Variants in LHFPL4 observed in about 807,000 individuals in gnomAD.
The protein encoded by LHFPL4 is LHFPL tetraspan subfamily member 4, also known as LHFPL tetraspan subfamily member 4 protein.
Under a neutral mutation model 20.0 loss-of-function variants are expected in LHFPL4, and 6 were observed. The ratio of observed to expected loss-of-function variants is 0.30; its 90% CI spans 0.16 to 0.59. LHFPL4 has a LOEUF of 0.59. Among genes scored for constraint, LHFPL4 ranks in the 20% least tolerant of loss-of-function variants. LHFPL4 has a pLI of 0.88. For missense variants in LHFPL4, 215 were observed against 331.2 expected, an observed-to-expected ratio of 0.65 and a Z score of 2.72; for synonymous variants, 129 against 143.8, an observed-to-expected ratio of 0.90 and a Z score of 0.74.
At chr3:9,536,695 C>G (rs1489503270) in intron 2 of LHFPL4, among the ~76,000 whole-genome samples, 1 of 152,130 alleles carries the variant, frequency 6.6e-6, no homozygotes, top group African/African-American at 2.4e-5. Context: ...GGCACAGTGG[C>G]TCATGCCTGT....
intron 2 of LHFPL4, among the ~76,000 whole-genome samples, chr3:9,538,144 C>T (rs2046454532): frequency 6.6e-6 from 1 of 152,162 alleles, no homozygotes; most frequent in Non-Finnish European, 1.5e-5. Flanking sequence ...TCCTCCTCTC[C>T]ATCCGCCATC....
chr3:9,543,717 TTTTTGG>T, intron 2 of LHFPL4, among the ~76,000 whole-genome samples: 1 of 129,896 alleles, frequency 7.7e-6, no homozygotes, highest in Non-Finnish European at 1.5e-5. Flanking sequence ...GATTTGTTTG[TTTTTGG>T]TTTTGGTTTT....
rs896586587 is a variant in LHFPL4 at position 9,506,420 on chromosome 3, C to T, written c.407-217G>A. ...GATGGGTAGCAGAAACTTTCTGGAA[C>T]CCGCAATGCCCTCTCCCTTCCCCAT... is the stretch of plus-strand genomic sequence containing the variant. On this transcript the variant is annotated intron_variant, in intron 2 of 3. Coordinates refer to ENST00000287585, the MANE Select transcript of LHFPL4 (RefSeq NM_198560.3). The surrounding 1 kb of genome is among the most constrained non-coding windows in gnomAD (Gnocchi z 4.5). 5.3e-5 allele frequency among the ~76,000 whole-genome samples: 8 copies of T among 152,100 alleles called. No homozygotes were observed. In the East Asian group the frequency reaches 7.7e-4, roughly 15 times the overall value.
intron 2 of LHFPL4, among the ~76,000 whole-genome samples, chr3:9,507,034 C>T (rs1338642624): frequency 6.6e-6 from 1 of 152,248 alleles, no homozygotes. Flanking sequence ...TAGGACTTAG[C>T]CTAGTTCTTC....
Position 9,552,261 on chromosome 3 carries a change from C to G in LHFPL4, c.406+13G>C, listed in dbSNP as rs1274331336. The G allele has an allele frequency of 1.3e-6, 2 of 1,580,928 alleles. No individual in the cohort carries two copies. The highest frequency in any genetic ancestry group is 1.1e-5 in the South Asian group (1 of 87,084). On this transcript the variant is annotated intron_variant, in intron 2 of 3. Transcript: ENST00000287585. ...GCGCTTGTTCTGGGAGTTCCGTCCA[C>G]CCCCTCCCCTACCTGCCAAGAGCTG...
At chr3:9,528,444 C>A (rs2046388213) in intron 2 of LHFPL4, among the ~76,000 whole-genome samples, 1 of 152,150 alleles carries the variant, frequency 6.6e-6, no homozygotes, top group African/African-American at 2.4e-5. Context: ...CATCTTCAGG[C>A]TCCACTTCTA....
intron 2 of LHFPL4, among the ~76,000 whole-genome samples, chr3:9,532,327 C>T (rs1337802216): frequency 1.3e-5 from 2 of 151,976 alleles, no homozygotes; most frequent in Non-Finnish European, 2.9e-5. Flanking sequence ...CCGTGCCCGG[C>T]CTTGAGTTAT....
chr3:9,529,054 A>T (rs2046393244), intron 2 of LHFPL4, among the ~76,000 whole-genome samples: 1 of 149,040 alleles, frequency 6.7e-6, no homozygotes, highest in Non-Finnish European at 1.5e-5. Flanking sequence ...TTTTAGATGG[A>T]GTCTCACTCT....
chr3:9,551,441 C>G (rs745937927), intron 2 of LHFPL4, among the ~76,000 whole-genome samples: 4 of 151,432 alleles, frequency 2.6e-5, no homozygotes, highest in Non-Finnish European at 5.9e-5. Flanking sequence ...TATCTCTGAT[C>G]GAAAGGTGGG....
At chr3:9,551,912 C>T (rs2046557371) in intron 2 of LHFPL4, among the ~76,000 whole-genome samples, 1 of 152,030 alleles carries the variant, frequency 6.6e-6, no homozygotes, top group Non-Finnish European at 1.5e-5. Context: ...TGCTTTTTTT[C>T]AACATAACAG....
intron 2 of LHFPL4, among the ~76,000 whole-genome samples, chr3:9,517,686 CAAAA>C (rs59022029): frequency 2.1e-5 from 2 of 96,482 alleles, no homozygotes; most frequent in Admixed American, 1.1e-4. Flanking sequence ...GACTCTGTCT[CAAAA>C]AAAAAAAAAA....
intron 2 of LHFPL4, among the ~76,000 whole-genome samples, chr3:9,542,932 CA>C: frequency 6.6e-6 from 1 of 151,732 alleles, no homozygotes; most frequent in East Asian, 1.9e-4. Context: ...GAAGGAGGGT[CA>C]GGGGTTAATG....
intron 2 of LHFPL4, among the ~76,000 whole-genome samples, chr3:9,522,475 C>T (rs2046344465): frequency 6.6e-6 from 1 of 151,712 alleles, no homozygotes. Context: ...CGTGGTGGCT[C>T]ATGCCTGTAA....
In LHFPL4 at chr3:9,508,821, G is replaced by A. The variant is rs111731648; in HGVS notation, c.407-2618C>T. On this transcript the variant is annotated intron_variant, in intron 2 of 3. Coordinates refer to ENST00000287585, the MANE Select transcript of LHFPL4 (RefSeq NM_198560.3). ...CCCCAGTCCTTCCCCCGCCCTCGGA[G>A]TCCCCAGAGCCCTTTCCCAGGCGGG... 5.1e-3 allele frequency among the ~76,000 whole-genome samples: 770 copies of A among 152,354 alleles called. 9 individuals carry two copies. Among genetic ancestry groups the A allele is most frequent in the African/African-American group, 0.018 (742 of 41,592 alleles).
chr3:9,526,858 T>C (rs190910176), intron 2 of LHFPL4, among the ~76,000 whole-genome samples: 1 of 151,676 alleles, frequency 6.6e-6, no homozygotes, highest in African/African-American at 2.4e-5. Context: ...CCTCCCAGAG[T>C]CTGCAGGGGG....
At chr3:9,526,439 G>T (rs768253661) in intron 2 of LHFPL4, among the ~76,000 whole-genome samples, 1 of 152,104 alleles carries the variant, frequency 6.6e-6, no homozygotes, top group East Asian at 1.9e-4. Flanking sequence ...GAATGTCCCC[G>T]TACAAATCTG....
chr3:9,519,382 T>G (rs1048506544), intron 2 of LHFPL4, among the ~76,000 whole-genome samples: 1 of 152,128 alleles, frequency 6.6e-6, no homozygotes, highest in Non-Finnish European at 1.5e-5. Context: ...GCCTCTTTAT[T>G]CATTTCTGAT....
intron 2 of LHFPL4, among the ~76,000 whole-genome samples, chr3:9,544,061 C>G (rs1280721213): frequency 6.6e-6 from 1 of 151,870 alleles, no homozygotes; most frequent in Non-Finnish European, 1.5e-5. Context: ...AAATAATACT[C>G]TAATTATGTA....
At position 9,506,440 on chromosome 3, in the gene LHFPL4, C is replaced by T. The variant is rs1441822412; in HGVS notation, c.407-237G>A. 6.6e-6 allele frequency among the ~76,000 whole-genome samples: 1 copy of T among 152,154 alleles called. No individual in the cohort carries two copies. Among genetic ancestry groups the T allele is most frequent in the East Asian group, 1.9e-4 (1 of 5,196 alleles). The stretch of plus-strand genomic sequence containing the variant: ...TGGAACCCGCAATGCCCTCTCCCTT[C>T]CCCATGAGATCAACTCCTCCTCCAG... On this transcript the variant is annotated intron_variant, in intron 2 of 3. Coordinates refer to ENST00000287585, the MANE Select transcript of LHFPL4 (RefSeq NM_198560.3). This position sits in a 1 kb window ranked among gnomAD's most constrained non-coding sequence, Gnocchi z 4.5.
Sources: allele counts gnomAD v4.1 joint callset (sites outside exome capture counted in the v4.1 genomes callset), GRCh38; gene constraint gnomAD v4.1.1; non-coding constraint Gnocchi (gnomAD v3.1); transcripts MANE v1.5; gene names NCBI Gene and HGNC (gene_info 2026-07-23, HGNC 2026-07-21).